The following KCNIP4 variants were observed in gnomAD, a reference collection of about 807,000 sequenced individuals.
KCNIP4 encodes the protein Kv channel-interacting protein 4.
A neutral mutation model predicts 34.0 loss-of-function variants in KCNIP4; 12 were observed. That is an observed-to-expected ratio of 0.35 (90% CI 0.23 to 0.57). The LOEUF (loss-of-function observed/expected upper bound fraction) is 0.57, where lower values mean the gene tolerates loss of function less well. Ranked by LOEUF, KCNIP4 falls within the 20% of genes least tolerant of loss-of-function variation. KCNIP4 has a pLI of 0.83. For synonymous variants in KCNIP4, 124 were observed against 102.2 expected, an observed-to-expected ratio of 1.21 and a Z score of -1.29; for missense variants, 238 against 311.7, an observed-to-expected ratio of 0.76 and a Z score of 1.78.
intron 1 of KCNIP4, among the ~76,000 whole-genome samples, chr4:21,893,372 T>C (rs2109405868): frequency 6.6e-6 from 1 of 152,340 alleles, no homozygotes; most frequent in East Asian, 1.9e-4. Context: ...TAACGTTTCT[T>C]CTGACATCCT....
chr4:21,029,423 T>G (rs1265332646), intron 1 of KCNIP4, among the ~76,000 whole-genome samples: 1 of 152,230 alleles, frequency 6.6e-6, no homozygotes, highest in African/African-American at 2.4e-5. Context: ...GCAGTAATTG[T>G]TAGTTTCTCC....
chr4:21,335,194 C>T (rs573055943), intron 1 of KCNIP4, among the ~76,000 whole-genome samples: 1 of 152,058 alleles, frequency 6.6e-6, no homozygotes, highest in East Asian at 1.9e-4. Flanking sequence ...TGCCCTTTTT[C>T]CCCTAAATCC....
chr4:20,877,599 T>C lies in KCNIP4; in HGVS notation c.163+5009A>G, dbSNP rs545295024. Reference sequence around the variant, plus strand: ...CTATATTCCTTATAGTAGGCTATTATTATTACTACTATTGTTATAATATGC... The same window carrying C: ...CTATATTCCTTATAGTAGGCTATTACTATTACTACTATTGTTATAATATGC... On this transcript the variant is annotated intron_variant, in intron 2 of 8. Coordinates refer to ENST00000382152, the MANE Select transcript of KCNIP4 (RefSeq NM_025221.6). 5.3e-5 allele frequency among the ~76,000 whole-genome samples: 8 copies of C among 152,328 alleles called. No homozygotes were observed. The South Asian group carries it at 8.3e-4, about 16-fold the overall frequency.
At chr4:21,418,141 T>G (rs1725133654) in intron 1 of KCNIP4, among the ~76,000 whole-genome samples, 1 of 142,200 alleles carries the variant, frequency 7.0e-6, no homozygotes, top group Admixed American at 7.2e-5. Flanking sequence ...AACTATCTAT[T>G]TGTCTATCGA....
At chr4:21,079,757 G>T (rs1361091127) in intron 1 of KCNIP4, among the ~76,000 whole-genome samples, 1 of 151,738 alleles carries the variant, frequency 6.6e-6, no homozygotes, top group African/African-American at 2.4e-5. Flanking sequence ...TAACCATAAT[G>T]GTTCTTATAA....
At chr4:21,807,364 T>C (rs942778766) in intron 1 of KCNIP4, among the ~76,000 whole-genome samples, 2 of 152,158 alleles carry the variant, frequency 1.3e-5, no homozygotes. Context: ...CATCTGGTAA[T>C]TTACACATCT....
At chr4:21,154,205 A>G (rs1049719190) in intron 1 of KCNIP4, among the ~76,000 whole-genome samples, 2 of 152,202 alleles carry the variant, frequency 1.3e-5, no homozygotes, top group African/African-American at 4.8e-5. Context: ...GTTCACCACT[A>G]AGTGATAAAT....
At chr4:21,570,386 T>G (rs1740270073) in intron 1 of KCNIP4, among the ~76,000 whole-genome samples, 1 of 152,120 alleles carries the variant, frequency 6.6e-6, no homozygotes, top group South Asian at 2.1e-4. Context: ...GACAGTTTGG[T>G]CAATAATGGT....
At chr4:21,308,062 A>T (rs931356029) in intron 1 of KCNIP4, among the ~76,000 whole-genome samples, 21 of 152,116 alleles carry the variant, frequency 1.4e-4, no homozygotes, top group African/African-American at 4.8e-4. Context: ...TACATATGCA[A>T]CTCTTACCTT....
chr4:21,857,955 G>C (rs1432260326), intron 1 of KCNIP4, among the ~76,000 whole-genome samples: 2 of 152,180 alleles, frequency 1.3e-5, no homozygotes, highest in Admixed American at 1.3e-4. Context: ...ACATTCCCCA[G>C]TGCCAGCTGT....
At chr4:21,425,660 A>G (rs1026251632) in intron 1 of KCNIP4, among the ~76,000 whole-genome samples, 1 of 152,204 alleles carries the variant, frequency 6.6e-6, no homozygotes, top group Non-Finnish European at 1.5e-5. Context: ...TAATTCTTTC[A>G]GAAGTTATGA....
intron 3 of KCNIP4, among the ~76,000 whole-genome samples, chr4:20,835,263 A>C (rs1718896849): frequency 6.6e-6 from 1 of 151,964 alleles, no homozygotes. Context: ...AGCTTTACTG[A>C]TCCTCTAAAT....
At chr4:21,135,499 T>C (rs1577756888) in intron 1 of KCNIP4, among the ~76,000 whole-genome samples, 1 of 152,154 alleles carries the variant, frequency 6.6e-6, no homozygotes, top group Admixed American at 6.5e-5. Context: ...GTGTAGAACT[T>C]ACTGTAAGGC....
At chr4:21,010,816 T>C (rs1323088469) in intron 1 of KCNIP4, among the ~76,000 whole-genome samples, 2 of 152,214 alleles carry the variant, frequency 1.3e-5, no homozygotes, top group Non-Finnish European at 2.9e-5. Flanking sequence ...ATTTTTTAGT[T>C]TAACCTTTCC....
At chr4:21,182,775 T>C (rs972809275) in intron 1 of KCNIP4, among the ~76,000 whole-genome samples, 35 of 152,068 alleles carry the variant, frequency 2.3e-4, no homozygotes, top group African/African-American at 8.2e-4. Context: ...ATATATAGTA[T>C]ATATTTATCA....
At chr4:21,396,193 A>T (rs564574970) in intron 1 of KCNIP4, among the ~76,000 whole-genome samples, 1 of 151,978 alleles carries the variant, frequency 6.6e-6, no homozygotes, top group Admixed American at 6.6e-5. Flanking sequence ...CTAGAAATAC[A>T]TACAAAATAT....
chr4:21,867,102 T>A (rs750092340), intron 1 of KCNIP4, among the ~76,000 whole-genome samples: 1 of 152,182 alleles, frequency 6.6e-6, no homozygotes, highest in Non-Finnish European at 1.5e-5. Context: ...GCTTCAACTT[T>A]AGTGTTAATT....
rs147260536 is a variant in KCNIP4, at chr4:21,799,854, C to A, written c.61+148717G>T. On this transcript the variant is annotated intron_variant, in intron 1 of 8. Coordinates refer to ENST00000382152, the MANE Select transcript of KCNIP4 (RefSeq NM_025221.6). ...ACACTGCTTATATTTGTAAATAAAT[C>A]TTTTTAGAACAAACCACATCCACTC... Among the ~76,000 whole-genome samples, 536 of 152,238 alleles carry A rather than the reference C, an allele frequency of 3.5e-3. 4 individuals carry two copies. The highest frequency in any genetic ancestry group is 0.014 in the Middle Eastern group (4 of 294).
At chr4:21,246,417 A>T (rs1029522981) in intron 1 of KCNIP4, among the ~76,000 whole-genome samples, 2 of 152,186 alleles carry the variant, frequency 1.3e-5, no homozygotes, top group African/African-American at 4.8e-5. Flanking sequence ...GTCAACTAGA[A>T]TTTAGTTTTA....
Sources: allele counts gnomAD v4.1 joint callset (sites outside exome capture counted in the v4.1 genomes callset), GRCh38; gene constraint gnomAD v4.1.1; transcripts MANE v1.5; gene names NCBI Gene and HGNC (gene_info 2026-07-23, HGNC 2026-07-21).